The following PRICKLE2 variants were observed in gnomAD, a reference collection of about 807,000 sequenced individuals.
The protein encoded by PRICKLE2 is prickle planar cell polarity protein 2, also known as prickle-like protein 2.
In PRICKLE2, 21 loss-of-function variants were observed where a neutral mutation model predicts 81.4. The ratio of observed to expected loss-of-function variants is 0.26; its 90% CI spans 0.18 to 0.37. PRICKLE2 has a LOEUF of 0.37. Among genes scored for constraint, PRICKLE2 ranks in the 10% least tolerant of loss-of-function variants. The pLI, the probability that PRICKLE2 is intolerant of heterozygous loss-of-function variation, is 1.00. For missense variants in PRICKLE2, 940 were observed against 1,109.0 expected (o/e 0.85, Z 2.16); for synonymous variants, 456 against 421.5 (o/e 1.08, Z -1.00).
chr3:64,119,988 T>C (rs923523069), intron 7 of PRICKLE2, among the ~76,000 whole-genome samples: 3 of 152,106 alleles, frequency 2.0e-5, no homozygotes, highest in African/African-American at 7.2e-5. Context: ...TTCTCACTTG[T>C]AAGTGGGAGG....
chr3:64,250,578 T>C (rs1420794091), intron 2 of PRICKLE2, among the ~76,000 whole-genome samples: 3 of 152,202 alleles, frequency 2.0e-5, no homozygotes, highest in Non-Finnish European at 4.4e-5. Context: ...GTGTTTTTGG[T>C]GGAGAGGGCA....
chr3:64,135,511 C>T (rs9883599), intron 7 of PRICKLE2, among the ~76,000 whole-genome samples: 7,113 of 152,114 alleles, frequency 0.047, 545 homozygotes, highest in African/African-American at 0.16. Context: ...GAAAACACTA[C>T]GTGTTTTCTT....
At chr3:64,257,427 G>A (rs2079542632) in intron 2 of PRICKLE2, among the ~76,000 whole-genome samples, 1 of 152,202 alleles carries the variant, frequency 6.6e-6, no homozygotes, top group Non-Finnish European at 1.5e-5. Context: ...TGATGGAGAA[G>A]AAAAGGCATA....
chr3:64,156,236 A>T (rs2077633183), intron 5 of PRICKLE2, among the ~76,000 whole-genome samples: 1 of 152,190 alleles, frequency 6.6e-6, no homozygotes, highest in Non-Finnish European at 1.5e-5. Flanking sequence ...TAGTGTTAGA[A>T]TTCAAATTAG....
At position 64,099,576 on chromosome 3, in the gene PRICKLE2, C is replaced by T. The variant is rs2076621322; in HGVS notation, c.2010G>A (p.Arg670=). Residue 670 remains arginine, a synonymous_variant, in exon 8 of 8, where the codon CGG becomes CGA. Transcript: ENST00000638394. This position sits in a 1 kb window ranked among gnomAD's most constrained non-coding sequence, Gnocchi z 4.3. ...TGTCGTCGCGTGAAGTAGCTCTTCT[C>T]CGGGTGCGTTCACTCATGGGCTGGA... ...VRIQPMSERT[R]RRATSRDDNR... is the part of the protein sequence containing the mutation. The T allele has an allele frequency of 3.7e-6, 6 of 1,613,466 alleles. No individual in the cohort carries two copies. In the African/African-American group the frequency reaches 5.3e-5, roughly 14 times the overall value.
intron 5 of PRICKLE2, among the ~76,000 whole-genome samples, chr3:64,156,026 T>A (rs1472102166): frequency 6.6e-6 from 1 of 152,218 alleles, no homozygotes; most frequent in African/African-American, 2.4e-5. Flanking sequence ...GCAAATTATA[T>A]CTCAATAAAC....
chr3:64,150,542 T>C (rs954945892), intron 6 of PRICKLE2, among the ~76,000 whole-genome samples: 3 of 152,072 alleles, frequency 2.0e-5, no homozygotes, highest in African/African-American at 7.2e-5. Context: ...CCACCCTCCT[T>C]CTTCCTCCTC....
At position 64,095,345 on chromosome 3, in the gene PRICKLE2, G is replaced by A. The variant is rs1183532870; in HGVS notation, c.*3706C>T. 1.3e-5 allele frequency: 2 copies of A among 152,132 alleles called. No individual in the cohort carries two copies. Among genetic ancestry groups the A allele is most frequent in the East Asian group, 1.9e-4 (1 of 5,192 alleles). 9.4% of individuals were successfully genotyped at this position (152,132 alleles called of 1,614,324 possible). On this transcript the variant is annotated 3_prime_UTR_variant, in exon 8 of 8. Transcript: ENST00000638394. ...TAATTATGCTTCCTAAACTGTTTTT[G>A]TTCTACGGCAAGAGAACCAAGAGTG... is the stretch of plus-strand genomic sequence containing the variant.
In PRICKLE2 at chr3:64,099,093, G is replaced by A. The variant is rs2106934707; in HGVS notation, c.2493C>T (p.His831=). 1 of 1,614,174 alleles carries A rather than the reference G, an allele frequency of 6.2e-7. No homozygotes were observed. The part of the protein sequence containing the change: ...SSTLGGRGQL[H]SRKRQKSKNC... ...TTTTGCTCTTCTGTCTTTTCCTGCT[G>A]TGCAACTGTCCTCTGCCACCTAATG... Residue 831 remains histidine (H), a synonymous_variant, in exon 8 of 8, where the codon CAC becomes CAT. Coordinates refer to ENST00000638394, the MANE Select transcript of PRICKLE2 (RefSeq NM_198859.4). This position sits in a 1 kb window ranked among gnomAD's most constrained non-coding sequence, Gnocchi z 4.3.
chr3:64,113,405 C>T (rs2076882464), intron 7 of PRICKLE2, among the ~76,000 whole-genome samples: 1 of 152,148 alleles, frequency 6.6e-6, no homozygotes, highest in Non-Finnish European at 1.5e-5. Flanking sequence ...CCTGGCCACA[C>T]CTGCTTAGAG....
intron 7 of PRICKLE2, among the ~76,000 whole-genome samples, chr3:64,138,926 G>C (rs1559532832): frequency 1.3e-5 from 2 of 152,276 alleles, no homozygotes; most frequent in African/African-American, 2.4e-5. Context: ...AATTGGGTTA[G>C]AGGATGGTTA....
chr3:64,155,214 TA>T (rs56350393), intron 5 of PRICKLE2, among the ~76,000 whole-genome samples: 95,342 of 144,662 alleles, frequency 0.66, 32,594 homozygotes, highest in Non-Finnish European at 0.76. Flanking sequence ...AAATTTAAAT[TA>T]AAAAAATTTT....
chr3:64,127,298 A>C (rs551663370), intron 7 of PRICKLE2, among the ~76,000 whole-genome samples: 1 of 152,078 alleles, frequency 6.6e-6, no homozygotes, highest in Admixed American at 6.5e-5. Flanking sequence ...CCACTCTATA[A>C]CTCATGCCAT....
intron 7 of PRICKLE2, among the ~76,000 whole-genome samples, chr3:64,110,745 T>G (rs2076831424): frequency 6.6e-6 from 1 of 151,940 alleles, no homozygotes; most frequent in African/African-American, 2.4e-5. Context: ...AGAGGGGCAA[T>G]GACACTGGAA....
chr3:64,181,245 A>G (rs558752606), intron 2 of PRICKLE2, among the ~76,000 whole-genome samples: 96 of 152,258 alleles, frequency 6.3e-4, no homozygotes, highest in African/African-American at 2.1e-3. Flanking sequence ...TTGCTCTAGG[A>G]GTGGCATGAG....
rs562868157 is a variant in PRICKLE2, at chr3:64,114,831, C to A, written c.1661-14906G>T. On this transcript the variant is annotated intron_variant, in intron 7 of 7. Transcript: ENST00000638394. ...ATATCATTCATGAGAACTTCCCCAA[C>A]CTAGCTAGAGAGGCCAACATTCTTA... is the stretch of plus-strand genomic sequence containing the variant. Among the ~76,000 whole-genome samples, 9 of 152,068 alleles carry A rather than the reference C, an allele frequency of 5.9e-5. No individual in the cohort carries two copies. In the East Asian group the frequency reaches 7.7e-4, roughly 13 times the overall value.
rs796880849 is a variant in PRICKLE2, at chr3:64,170,721, A to C, written c.145-7592T>G. Among the ~76,000 whole-genome samples the C allele has an allele frequency of 1.1e-4, 17 of 151,428 alleles. 1 individual carries two copies. The highest frequency in any genetic ancestry group is 4.6e-4 in the Admixed American group (7 of 15,204). On this transcript the variant is annotated intron_variant, in intron 2 of 7. Coordinates refer to ENST00000638394, the MANE Select transcript of PRICKLE2 (RefSeq NM_198859.4). ...GAAACATTAAAAAAAAAAAAAAAAA[A>C]AAAACAGCCTGGCTGTGGTGGTGCA...
At chr3:64,238,503 A>AAAG (rs1553659636) in intron 2 of PRICKLE2, among the ~76,000 whole-genome samples, 2 of 151,782 alleles carry the variant, frequency 1.3e-5, no homozygotes, top group African/African-American at 4.8e-5. Flanking sequence ...AAAAAAAAGA[A>AAAG]AAAAGAAAAG....
Position 64,134,323 on chromosome 3 carries a change from C to T in PRICKLE2, c.1660+12507G>A, listed in dbSNP as rs145794007. Among the ~76,000 whole-genome samples, 277 of 152,268 alleles carry T rather than the reference C, an allele frequency of 1.8e-3. 2 individuals carry two copies. In the Middle Eastern group the frequency reaches 0.02, roughly 11 times the overall value. ...CTCTCTCAGCTGCAGACGGGGCTTC[C>T]GAAGCATCCAGCTGAGGAGGTCCCT... On this transcript the variant is annotated intron_variant, in intron 7 of 7. Coordinates refer to ENST00000638394, the MANE Select transcript of PRICKLE2 (RefSeq NM_198859.4).
Sources: gnomAD v4.1 joint callset for allele counts (sites outside exome capture counted in the v4.1 genomes callset) on GRCh38, gnomAD v4.1.1 for gene constraint, Gnocchi (gnomAD v3.1) non-coding constraint, MANE v1.5 for transcripts, NCBI Gene and HGNC (gene_info 2026-07-23, HGNC 2026-07-21) for gene names.